Variants in KCNT2 observed in about 807,000 individuals in gnomAD.
KCNT2 encodes the protein potassium sodium-activated channel subfamily T member 2.
KCNT2 carries 67 observed loss-of-function variants against 153.8 expected under a neutral mutation model. That is an observed-to-expected ratio of 0.44 (90% CI 0.36 to 0.53). The LOEUF is 0.53. Among genes scored for constraint, KCNT2 ranks in the 20% least tolerant of loss-of-function variants. The pLI, the probability that KCNT2 is intolerant of heterozygous loss-of-function variation, is 0.00. For synonymous variants in KCNT2, 500 were observed against 458.8 expected, an observed-to-expected ratio of 1.09 and a Z score of -1.15; for missense variants, 975 against 1,354.8, an observed-to-expected ratio of 0.72 and a Z score of 4.40.
intron 14 of KCNT2, among the ~76,000 whole-genome samples, chr1:196,354,285 G>C (rs1027744254): frequency 4.0e-5 from 6 of 151,494 alleles, no homozygotes; most frequent in Non-Finnish European, 7.4e-5. Flanking sequence ...GTAATCCTTG[G>C]ATTTAGTTTG....
chr1:196,331,829 C>T (rs766277497), intron 17 of KCNT2, among the ~76,000 whole-genome samples: 1 of 152,046 alleles, frequency 6.6e-6, no homozygotes, highest in Non-Finnish European at 1.5e-5. Flanking sequence ...GCCATAACTA[C>T]ATAACCGAAA....
At chr1:196,543,257 T>C (rs1656625988) in intron 1 of KCNT2, among the ~76,000 whole-genome samples, 1 of 152,148 alleles carries the variant, frequency 6.6e-6, no homozygotes, top group South Asian at 2.1e-4. Flanking sequence ...CCCATCTGTC[T>C]TTCAGCAATA....
intron 12 of KCNT2, among the ~76,000 whole-genome samples, chr1:196,409,079 T>C (rs1282842818): frequency 6.6e-6 from 1 of 151,186 alleles, no homozygotes; most frequent in African/African-American, 2.4e-5. Flanking sequence ...AGGAGTTTTT[T>C]TTTTTTTAAT....
chr1:196,589,935 A>T (rs1170482533), intron 1 of KCNT2, among the ~76,000 whole-genome samples: 1 of 152,098 alleles, frequency 6.6e-6, no homozygotes, highest in Non-Finnish European at 1.5e-5. Flanking sequence ...TGCTTTTTTC[A>T]TTCCAACACC....
chr1:196,508,279 G>A (rs1225246859), intron 1 of KCNT2, among the ~76,000 whole-genome samples: 3 of 148,784 alleles, frequency 2.0e-5, no homozygotes, highest in Non-Finnish European at 4.4e-5. Flanking sequence ...ATCACCTCCT[G>A]AAATATTAAA....
intron 13 of KCNT2, among the ~76,000 whole-genome samples, chr1:196,378,114 AAAGGAATTACTCCGTAAAGAG>A (rs1669128907): frequency 6.6e-6 from 1 of 152,124 alleles, no homozygotes; most frequent in South Asian, 2.1e-4. Flanking sequence ...ATGAATGGAC[AAAGGAATTACTCCGTAAAGAG>A]AAGAATCAAG....
Position 196,465,323 on chromosome 1 carries a change from A to G in KCNT2, c.608T>C (p.Ile203Thr). ...GAAGATAAGGCATAGTAATGTAGATATTAAAATCAAAACTTGATTAAACAT... is the reference window on the plus strand; with the variant it reads ...GAAGATAAGGCATAGTAATGTAGATGTTAAAATCAAAACTTGATTAAACAT... The part of the protein sequence containing the change: ...SAMFNQVLIL[I>T]STLLCLIFTC... The change falls in exon 8 of 28, where the codon ATA (isoleucine) becomes ACA (threonine). Residue 203 changes from isoleucine to threonine, a missense_variant. Around this residue, in one of 6 missense-constraint regions of KCNT2, gnomAD observed 202 missense variants for 314.9 expected, o/e 0.64. Transcript: ENST00000294725. 6.3e-7 allele frequency: 1 copy of G among 1,599,438 alleles called. No individual in the cohort carries two copies. The highest frequency in any genetic ancestry group is 2.2e-5 in the East Asian group (1 of 44,612).
At chr1:196,582,802 A>G (rs544811971) in intron 1 of KCNT2, among the ~76,000 whole-genome samples, 9 of 152,140 alleles carry the variant, frequency 5.9e-5, no homozygotes, top group Non-Finnish European at 1.3e-4. Context: ...TCCAAACTAA[A>G]TAAAGTAGAA....
intron 1 of KCNT2, among the ~76,000 whole-genome samples, chr1:196,546,456 A>G (rs1039042511): frequency 1.3e-5 from 2 of 152,050 alleles, no homozygotes; most frequent in Non-Finnish European, 2.9e-5. Context: ...TGACATTTAT[A>G]TTATCAACAG....
At chr1:196,411,208 C>A (rs191821041) in intron 12 of KCNT2, among the ~76,000 whole-genome samples, 25 of 151,040 alleles carry the variant, frequency 1.7e-4, no homozygotes, top group African/African-American at 4.4e-4. Flanking sequence ...TTCTTGACAA[C>A]CTCGTCAAAG....
At chr1:196,372,141 A>G (rs1188286933) in intron 14 of KCNT2, among the ~76,000 whole-genome samples, 2 of 152,060 alleles carry the variant, frequency 1.3e-5, no homozygotes, top group Non-Finnish European at 2.9e-5. Context: ...ATTCCTATTC[A>G]CAACTTTGAG....
chr1:196,587,010 A>G (rs943282056), intron 1 of KCNT2, among the ~76,000 whole-genome samples: 1 of 152,124 alleles, frequency 6.6e-6, no homozygotes, highest in Non-Finnish European at 1.5e-5. Flanking sequence ...GAAGAGCAAT[A>G]AACTTCTGCT....
At chr1:196,514,644 G>T (rs1164311073) in intron 1 of KCNT2, among the ~76,000 whole-genome samples, 1 of 152,090 alleles carries the variant, frequency 6.6e-6, no homozygotes, top group Non-Finnish European at 1.5e-5. Context: ...ATATTTAAAT[G>T]TGTTGCATTT....
intron 8 of KCNT2, among the ~76,000 whole-genome samples, chr1:196,441,292 G>C (rs989130616): frequency 2.6e-5 from 4 of 151,286 alleles, no homozygotes; most frequent in African/African-American, 9.7e-5. Context: ...ATCATAGCTG[G>C]CCTTTCATTT....
chr1:196,301,173 G>T (rs776123269), intron 22 of KCNT2, among the ~76,000 whole-genome samples: 3 of 152,062 alleles, frequency 2.0e-5, no homozygotes, highest in South Asian at 2.1e-4. Flanking sequence ...AACCGATTTT[G>T]TCCCAGGCCA....
chr1:196,408,006 T>G (rs1338289633), intron 12 of KCNT2, among the ~76,000 whole-genome samples: 1 of 151,326 alleles, frequency 6.6e-6, no homozygotes. Context: ...TTTTAGAAAA[T>G]TTTCCATTAT....
intron 17 of KCNT2, 136 bp downstream of exon 17, chr1:196,333,711 T>C: frequency 1.6e-6 from 1 of 623,968 alleles, no homozygotes; most frequent in Non-Finnish European, 2.9e-6. Context: ...TTGGTAGAAG[T>C]ATATAGGAAT....
chr1:196,579,762 C>A lies in KCNT2; in HGVS notation c.95+28453G>T, dbSNP rs986006681. ...CCCACCTCTCCCTCCAAAAGTGCGG[C>A]GATTATGAGCATGAGCCACCACACT... On this transcript the variant is annotated intron_variant, in intron 1 of 27. Transcript: ENST00000294725. Among the ~76,000 whole-genome samples, 3 of 151,882 alleles carry A rather than the reference C, an allele frequency of 2.0e-5. No homozygotes were observed. In the East Asian group the frequency reaches 5.9e-4, roughly 30 times the overall value.
intron 22 of KCNT2, among the ~76,000 whole-genome samples, chr1:196,297,708 T>C (rs1333061123): frequency 6.6e-6 from 1 of 152,178 alleles, no homozygotes; most frequent in Admixed American, 6.5e-5. Flanking sequence ...AGGATAAGAA[T>C]CTTTCTTAAT....
Sources: allele counts gnomAD v4.1 joint callset (sites outside exome capture counted in the v4.1 genomes callset), GRCh38; gene constraint gnomAD v4.1.1; regional missense constraint gnomAD v4.1.1; transcripts MANE v1.5; gene names NCBI Gene and HGNC (gene_info 2026-07-23, HGNC 2026-07-21).